Variants in ZSWIM6 observed in about 807,000 individuals in gnomAD.
The protein encoded by ZSWIM6 is zinc finger SWIM-type containing 6.
ZSWIM6 carries 9 observed loss-of-function variants against 113.2 expected under a neutral mutation model. The ratio of observed to expected loss-of-function variants is 0.08; its 90% CI spans 0.05 to 0.14. The LOEUF (loss-of-function observed/expected upper bound fraction) is 0.14, where lower values mean the gene tolerates loss of function less well. ZSWIM6 is among the 10% of genes least tolerant of loss of function. The pLI is 1.00. For synonymous variants in ZSWIM6, 611 were observed against 606.5 expected (o/e 1.01, Z -0.11); for missense variants, 1,162 against 1,552.2 (o/e 0.75, Z 4.22).
intron 1 of ZSWIM6, among the ~76,000 whole-genome samples, chr5:61,356,419 G>A (rs188104328): frequency 2.0e-5 from 3 of 151,750 alleles, no homozygotes; most frequent in Non-Finnish European, 2.9e-5. Flanking sequence ...TTTTATTTTC[G>A]TAGAAGTTCA....
chr5:61,543,145 G>A lies in ZSWIM6; in HGVS notation c.2786-310G>A, dbSNP rs1204449033. ...TCAAATTCTGACAGGAAGCCCCAGT[G>A]AAGTAGAACTCATTAGCAAAAAGCC... On this transcript the variant is annotated intron_variant, in intron 13 of 13. Transcript: ENST00000252744. The surrounding 1 kb of genome is among the most constrained non-coding windows in gnomAD (Gnocchi z 4.3). Among the ~76,000 whole-genome samples, 1 of 152,176 alleles carries A rather than the reference G, an allele frequency of 6.6e-6. No homozygotes were observed. The highest frequency in any genetic ancestry group is 1.5e-5 in the Non-Finnish European group (1 of 68,022).
chr5:61,386,217 A>G (rs1745589260), intron 1 of ZSWIM6, among the ~76,000 whole-genome samples: 1 of 152,210 alleles, frequency 6.6e-6, no homozygotes, highest in Non-Finnish European at 1.5e-5. Flanking sequence ...CAGACCTCAG[A>G]AAGACCTTTG....
At chr5:61,365,340 G>A (rs1745127994) in intron 1 of ZSWIM6, among the ~76,000 whole-genome samples, 1 of 98,406 alleles carries the variant, frequency 1.0e-5, no homozygotes, top group Admixed American at 1.2e-4. Flanking sequence ...CGACAGAGCG[G>A]GACTCTGTCT....
intron 4 of ZSWIM6, among the ~76,000 whole-genome samples, chr5:61,506,038 G>A (rs1220565531): frequency 4.6e-5 from 7 of 151,688 alleles, no homozygotes; most frequent in Admixed American, 2.0e-4. Context: ...GAGCCACTGC[G>A]CCCGGCAGAT....
chr5:61,391,605 A>G, intron 1 of ZSWIM6: 1 of 906,064 alleles, frequency 1.1e-6, no homozygotes, highest in Non-Finnish European at 1.9e-6. Context: ...CGAAGCCCAC[A>G]ATGGCCACAA....
At chr5:61,495,206 T>C (rs1245645812) in intron 4 of ZSWIM6, among the ~76,000 whole-genome samples, 1 of 152,160 alleles carries the variant, frequency 6.6e-6, no homozygotes, top group Non-Finnish European at 1.5e-5. Flanking sequence ...TCTTGGCTAA[T>C]GATGGACCAC....
chr5:61,433,388 A>G (rs1215773847), intron 1 of ZSWIM6, among the ~76,000 whole-genome samples: 2 of 151,910 alleles, frequency 1.3e-5, no homozygotes, highest in African/African-American at 4.8e-5. Context: ...AGATGTGTGT[A>G]GGAGCAAATA....
intron 1 of ZSWIM6, among the ~76,000 whole-genome samples, chr5:61,434,440 A>C (rs1746658591): frequency 6.8e-6 from 1 of 147,604 alleles, no homozygotes; most frequent in African/African-American, 2.5e-5. Context: ...TTTATCCCTC[A>C]CCCCCCTTTC....
At chr5:61,455,314 T>A (rs1001713713) in intron 1 of ZSWIM6, among the ~76,000 whole-genome samples, 27 of 152,298 alleles carry the variant, frequency 1.8e-4, no homozygotes, top group African/African-American at 6.3e-4. Context: ...CTAATGATTA[T>A]TTTCTATGTG....
In ZSWIM6 at chr5:61,394,643, G is replaced by A. The variant is rs141172574; in HGVS notation, c.676+61695G>A. On this transcript the variant is annotated intron_variant, in intron 1 of 13. Transcript: ENST00000252744. ...TCAGTTCTTCCTGAGGATCTGTGAAGTTGTCCAAAAGAGAAAGGGACACTT... is the reference window on the plus strand; with the variant it reads ...TCAGTTCTTCCTGAGGATCTGTGAAATTGTCCAAAAGAGAAAGGGACACTT... Among the ~76,000 whole-genome samples the A allele has an allele frequency of 3.6e-3, 555 of 152,246 alleles. 9 individuals are homozygous for A. The highest frequency in any genetic ancestry group is 0.013 in the African/African-American group (528 of 41,534).
At chr5:61,475,388 G>A (rs1747683927) in intron 2 of ZSWIM6, among the ~76,000 whole-genome samples, 1 of 152,110 alleles carries the variant, frequency 6.6e-6, no homozygotes. Flanking sequence ...TGAAATAATG[G>A]AACCAATGAA....
chr5:61,349,734 A>G (rs1744742079), intron 1 of ZSWIM6, among the ~76,000 whole-genome samples: 2 of 152,340 alleles, frequency 1.3e-5, no homozygotes, highest in South Asian at 4.1e-4. Flanking sequence ...TAACTTGAAT[A>G]TTCCCATATA....
chr5:61,409,114 C>T (rs1192901230), intron 1 of ZSWIM6, among the ~76,000 whole-genome samples: 11 of 142,210 alleles, frequency 7.7e-5, no homozygotes, highest in East Asian at 4.1e-4. Context: ...GAAATCCAGG[C>T]CTCTGTATTG....
intron 1 of ZSWIM6, among the ~76,000 whole-genome samples, chr5:61,376,973 T>G (rs530525038): frequency 1.9e-4 from 29 of 151,518 alleles, no homozygotes; most frequent in Admixed American, 1.8e-3. Flanking sequence ...ACAAGTTGAG[T>G]GGCAAGCCTG....
At chr5:61,383,287 T>A (rs773290544) in intron 1 of ZSWIM6, among the ~76,000 whole-genome samples, 2 of 152,198 alleles carry the variant, frequency 1.3e-5, no homozygotes, top group Non-Finnish European at 2.9e-5. Context: ...ACTAGGCAGC[T>A]GACAAGCAGC....
In ZSWIM6 at chr5:61,544,123, A is replaced by G. The variant is rs1416337084; in HGVS notation, c.3454A>G (p.Thr1152Ala). 10 of 1,551,734 alleles carry G rather than the reference A, an allele frequency of 6.4e-6. No individual in the cohort carries two copies. Among genetic ancestry groups the G allele is most frequent in the Non-Finnish European group, 8.7e-6 (10 of 1,147,026 alleles). ...TGCCACGATCGGGGCCTACATCAAC[A>G]CAACGCACTCACGGCTCACACACAT... is the stretch of plus-strand genomic sequence containing the variant. ...LDATIGAYIN[T>A]THSRLTHISP... The change falls in exon 14 of 14, where the codon ACA becomes GCA. Residue 1152 changes from threonine to alanine, a missense_variant. Thr to Ala is a moderately conservative substitution (Grantham distance 58). Transcript: ENST00000252744.
intron 4 of ZSWIM6, among the ~76,000 whole-genome samples, chr5:61,496,803 C>T (rs1357305364): frequency 6.6e-6 from 1 of 152,076 alleles, no homozygotes; most frequent in Non-Finnish European, 1.5e-5. Flanking sequence ...GCCCCATTTG[C>T]CTTTTACTGC....
intron 1 of ZSWIM6, among the ~76,000 whole-genome samples, chr5:61,348,239 C>G (rs1310035805): frequency 2.0e-5 from 3 of 151,770 alleles, no homozygotes; most frequent in African/African-American, 7.3e-5. Flanking sequence ...AAAACAAAAG[C>G]AAGATTTAAA....
At chr5:61,349,651 G>C (rs937846639) in intron 1 of ZSWIM6, among the ~76,000 whole-genome samples, 3 of 151,888 alleles carry the variant, frequency 2.0e-5, no homozygotes, top group East Asian at 1.9e-4. Context: ...TAACTTGCTA[G>C]TAGTAGCATC....
Sources: allele counts gnomAD v4.1 joint callset (sites outside exome capture counted in the v4.1 genomes callset), GRCh38; gene constraint gnomAD v4.1.1; non-coding constraint Gnocchi (gnomAD v3.1); transcripts MANE v1.5; gene names NCBI Gene and HGNC (gene_info 2026-07-23, HGNC 2026-07-21).